PPM1B: variants seen among roughly 807,000 people sequenced by gnomAD.
PPM1B encodes the protein protein phosphatase 1B.
Under a neutral mutation model 43.0 loss-of-function variants are expected in PPM1B, and 22 were observed. The ratio of observed to expected loss-of-function variants is 0.51; its 90% CI spans 0.37 to 0.73. The LOEUF (loss-of-function observed/expected upper bound fraction) is 0.73, where lower values mean the gene tolerates loss of function less well. PPM1B is among the 30% of genes least tolerant of loss of function. The probability of loss-of-function intolerance (pLI) is 0.00; values close to 1 mark genes in which losing one functional copy is unlikely to be tolerated. For synonymous variants in PPM1B, 217 were observed against 197.9 expected (o/e 1.10, Z -0.81); for missense variants, 632 against 584.2 (o/e 1.08, Z -0.84).
At chr2:44,218,394 G>A (rs1281520906) in intron 4 of PPM1B, 86 bp from the exon 5 acceptor site, 3 of 1,010,970 alleles carry the variant, frequency 3.0e-6, no homozygotes, top group Admixed American at 2.5e-5. Context: ...TACTTTTTTA[G>A]TGTGGTCAGG....
At chr2:44,220,034 G>A (rs1341752097) in intron 5 of PPM1B, among the ~76,000 whole-genome samples, 2 of 151,954 alleles carry the variant, frequency 1.3e-5, no homozygotes, top group Non-Finnish European at 2.9e-5. Context: ...TCAAAGAAAT[G>A]AGTATAGGAT....
At chr2:44,184,216 G>A (rs755185967) in intron 1 of PPM1B, among the ~76,000 whole-genome samples, 2 of 152,204 alleles carry the variant, frequency 1.3e-5, no homozygotes, top group Non-Finnish European at 2.9e-5. Flanking sequence ...CACAGAAAAT[G>A]TCTGCTGCTC....
chr2:44,182,677 C>CAG (rs1667937547), intron 1 of PPM1B, among the ~76,000 whole-genome samples: 1 of 152,098 alleles, frequency 6.6e-6, no homozygotes, highest in Non-Finnish European at 1.5e-5. Context: ...TAATAGGTTA[C>CAG]AGGTTTCCTC....
downstream of PPM1B, among the ~76,000 whole-genome samples, chr2:44,236,433 A>C (rs181424071): frequency 1.3e-5 from 2 of 148,780 alleles, no homozygotes; most frequent in East Asian, 1.9e-4. Flanking sequence ...AAAAAGTTGT[A>C]ATGAACTGGT....
intron 5 of PPM1B, among the ~76,000 whole-genome samples, chr2:44,241,694 T>C (rs969608534): frequency 2.0e-5 from 3 of 151,566 alleles, no homozygotes; most frequent in African/African-American, 7.3e-5. Context: ...ATCATGTCAC[T>C]GCACTCCAGC....
chr2:44,171,237 A>G (rs544823283), intron 1 of PPM1B, among the ~76,000 whole-genome samples: 1 of 152,316 alleles, frequency 6.6e-6, no homozygotes, highest in African/African-American at 2.4e-5. Flanking sequence ...AAGGCCTTTC[A>G]ATTTAGTCAT....
chr2:44,197,490 G>C lies in PPM1B; in HGVS notation c.-14-3696G>C, dbSNP rs370177625. ...TAAAAAAAACTAACATTACTCTTCT[G>C]TTAACTAAACTCTAGTCTTTGGATT... On this transcript the variant is annotated intron_variant, in intron 1 of 5. Transcript: ENST00000282412. Among the ~76,000 whole-genome samples, 7 of 152,176 alleles carry C rather than the reference G, an allele frequency of 4.6e-5. No homozygotes were observed. The East Asian group carries it at 1.2e-3, about 25-fold the overall frequency.
chr2:44,193,729 C>T (rs1175764885), intron 1 of PPM1B, among the ~76,000 whole-genome samples: 3 of 152,034 alleles, frequency 2.0e-5, no homozygotes, highest in Non-Finnish European at 4.4e-5. Context: ...CAGGCACGTG[C>T]CACCATGCCC....
intron 1 of PPM1B, among the ~76,000 whole-genome samples, chr2:44,197,682 T>C (rs1250218293): frequency 1.3e-5 from 2 of 152,180 alleles, no homozygotes; most frequent in Non-Finnish European, 2.9e-5. Context: ...AGTTTGAGAA[T>C]GCAAGATTTA....
chr2:44,210,375 C>G (rs1459175164), intron 3 of PPM1B, among the ~76,000 whole-genome samples: 1 of 152,048 alleles, frequency 6.6e-6, no homozygotes, highest in Non-Finnish European at 1.5e-5. Flanking sequence ...CGTGCCACCA[C>G]AGCTGGCTAG....
At chr2:44,229,164 A>G (rs1302986183) in intron 5 of PPM1B, among the ~76,000 whole-genome samples, 1 of 151,840 alleles carries the variant, frequency 6.6e-6, no homozygotes, top group African/African-American at 2.4e-5. Context: ...CCTGGGCAAC[A>G]AGAGTGAAAC....
intron 1 of PPM1B, among the ~76,000 whole-genome samples, chr2:44,172,097 T>C (rs1667375511): frequency 6.6e-6 from 1 of 152,172 alleles, no homozygotes; most frequent in Non-Finnish European, 1.5e-5. Context: ...AATAGCAAAA[T>C]TTATTCAAGT....
downstream of PPM1B, chr2:44,232,703 C>G (rs1670502694): frequency 9.7e-7 from 1 of 1,030,584 alleles, no homozygotes; most frequent in Non-Finnish European, 1.2e-6. Context: ...TGTTTTTTTT[C>G]TTTAAACAAA....
chr2:44,246,722 G>A (rs1208288342), downstream of PPM1B, among the ~76,000 whole-genome samples: 2 of 152,088 alleles, frequency 1.3e-5, no homozygotes, highest in Non-Finnish European at 2.9e-5. Flanking sequence ...ATTCCTCTAG[G>A]TCCTTGCAAA....
chr2:44,219,835 C>G (rs190025675), intron 5 of PPM1B, among the ~76,000 whole-genome samples: 1 of 151,384 alleles, frequency 6.6e-6, no homozygotes, highest in Admixed American at 6.6e-5. Flanking sequence ...CCCAGCTACT[C>G]GGGAGGCTGA....
chr2:44,222,313 ATTTTC>A (rs1274727241), intron 5 of PPM1B, among the ~76,000 whole-genome samples: 4 of 152,070 alleles, frequency 2.6e-5, no homozygotes, highest in Non-Finnish European at 5.9e-5. Context: ...ATTTCTAGTA[ATTTTC>A]TTAAGGCTGT....
chr2:44,246,104 G>A (rs1419673658), downstream of PPM1B, among the ~76,000 whole-genome samples: 1 of 151,998 alleles, frequency 6.6e-6, no homozygotes, highest in African/African-American at 2.4e-5. Context: ...TCACCATCCA[G>A]GACCCTTTTC....
downstream of PPM1B, chr2:44,232,341 G>A (rs1453832357): frequency 1.2e-6 from 2 of 1,605,192 alleles, no homozygotes; most frequent in Non-Finnish European, 1.7e-6. Flanking sequence ...GAAGACCCAT[G>A]GTAGCCTTAA....
Position 44,201,602 on chromosome 2 carries a change from G to GT in PPM1B, c.404dup (p.Val137SerfsTer6). 6.2e-7 allele frequency: 1 copy of GT among 1,614,208 alleles called. No homozygotes were observed. Among genetic ancestry groups the GT allele is most frequent in the Non-Finnish European group, 8.5e-7 (1 of 1,180,040 alleles). The stretch of plus-strand genomic sequence containing the variant: ...GATGGACAGGAGTGGTTCAACTGCA[G>GT]TGGGAGTTATGATTTCACCTAAGCA... On this transcript the variant is annotated frameshift_variant, in exon 2 of 6. Transcript: ENST00000282412. LOFTEE classifies it high-confidence loss of function. The surrounding 1 kb of genome is among the most constrained non-coding windows in gnomAD (Gnocchi z 5.4).
Sources: allele counts gnomAD v4.1 joint callset (sites outside exome capture counted in the v4.1 genomes callset), GRCh38; gene constraint gnomAD v4.1.1; non-coding constraint Gnocchi (gnomAD v3.1); transcripts MANE v1.5; gene names NCBI Gene and HGNC (gene_info 2026-07-23, HGNC 2026-07-21).